The following PTGES3 variants were observed in gnomAD, a reference collection of about 807,000 sequenced individuals.
PTGES3 encodes Hsp90 co-chaperone.
A neutral mutation model predicts 29.9 loss-of-function variants in PTGES3; 5 were observed. That is an observed-to-expected ratio of 0.17 (90% CI 0.09 to 0.35). The LOEUF (loss-of-function observed/expected upper bound fraction) is 0.35. Among genes scored for constraint, PTGES3 ranks in the 10% least tolerant of loss-of-function variants. PTGES3 has a pLI of 1.00. For synonymous variants in PTGES3, 49 were observed against 57.8 expected, an observed-to-expected ratio of 0.85 and a Z score of 0.69; for missense variants, 128 against 190.0, an observed-to-expected ratio of 0.67 and a Z score of 1.92.
At chr12:56,664,711 C>G in intron 7 of PTGES3, 65 bp downstream of exon 7, 2 of 1,534,564 alleles carry the variant, frequency 1.3e-6, no homozygotes, top group Non-Finnish European at 1.8e-6. Context: ...GTTAACATCT[C>G]TATTTTGAGT....
At chr12:56,685,278 C>T (rs1383134148) in intron 1 of PTGES3, among the ~76,000 whole-genome samples, 2 of 152,076 alleles carry the variant, frequency 1.3e-5, no homozygotes, top group South Asian at 2.1e-4. Flanking sequence ...ATTTACTAAA[C>T]GGCATATATT....
At chr12:56,674,564 C>T (rs760210248) in intron 1 of PTGES3, among the ~76,000 whole-genome samples, 1 of 151,966 alleles carries the variant, frequency 6.6e-6, no homozygotes, top group Non-Finnish European at 1.5e-5. Context: ...CAGTGGCTCA[C>T]GCCCATAATC....
chr12:56,669,941 AT>A (rs1311050460), intron 5 of PTGES3, among the ~76,000 whole-genome samples: 1 of 150,150 alleles, frequency 6.7e-6, no homozygotes, highest in African/African-American at 2.5e-5. Context: ...TGACTTCAAA[AT>A]CCAAGTCAAC....
intron 1 of PTGES3, among the ~76,000 whole-genome samples, chr12:56,679,464 G>C (rs1378244596): frequency 6.8e-6 from 1 of 147,912 alleles, no homozygotes; most frequent in African/African-American, 2.5e-5. Flanking sequence ...GTTTATTGTT[G>C]TTTTGCTTTA....
rs893238567 is a variant in PTGES3 at position 56,667,648 on chromosome 12, T to G, written c.376-1382A>C. ...CCTAAGATAGTCAGACACACAAAAA[T>G]AGAGAGTAGAATGGTAGATGCCAGG... On this transcript the variant is annotated intron_variant, in intron 5 of 7. Transcript: ENST00000262033. Among the ~76,000 whole-genome samples, 6 of 152,124 alleles carry G rather than the reference T, an allele frequency of 3.9e-5. No individual in the cohort carries two copies. In the East Asian group the frequency reaches 9.6e-4, roughly 24 times the overall value.
At chr12:56,683,036 G>T (rs865824121) in intron 1 of PTGES3, among the ~76,000 whole-genome samples, 1 of 151,804 alleles carries the variant, frequency 6.6e-6, no homozygotes, top group African/African-American at 2.4e-5. Flanking sequence ...GAGGAAGCAG[G>T]GAAGCAGCCT....
At chr12:56,670,910 AGC>A (rs1429766821) in intron 4 of PTGES3, among the ~76,000 whole-genome samples, 2 of 152,192 alleles carry the variant, frequency 1.3e-5, no homozygotes, top group African/African-American at 4.8e-5. Flanking sequence ...AGTTCGAGAC[AGC>A]CTGAGCAATA....
intron 1 of PTGES3, among the ~76,000 whole-genome samples, chr12:56,675,864 A>C (rs1045858041): frequency 6.6e-6 from 1 of 151,834 alleles, no homozygotes; most frequent in Non-Finnish European, 1.5e-5. Context: ...TGGAGGTTGC[A>C]GTGAGCCCAG....
At chr12:56,675,392 G>A (rs1405770904) in intron 1 of PTGES3, among the ~76,000 whole-genome samples, 1 of 151,916 alleles carries the variant, frequency 6.6e-6, no homozygotes, top group Non-Finnish European at 1.5e-5. Flanking sequence ...CAAAACCTGT[G>A]GTTAGGCCAT....
In PTGES3 at chr12:56,688,216, G is replaced by T. The variant is rs1169488096; in HGVS notation, c.-217C>A. On this transcript the variant is annotated 5_prime_UTR_variant, in exon 1 of 8. Coordinates refer to ENST00000262033, the MANE Select transcript of PTGES3 (RefSeq NM_006601.7). ...GCGGCTCCTCCGGTCGGGGAGAAGA[G>T]GAAAGTGTAGGAAAAGGGGCGCGAG... 6.4e-6 allele frequency: 5 copies of T among 787,282 alleles called. No homozygotes were observed. The highest frequency in any genetic ancestry group is 7.7e-5 in the Admixed American group (2 of 25,956). The allele number at this position is 787,282 out of a possible 1,614,324, so 48.8% of individuals were successfully genotyped here. A position where few individuals can be genotyped will look rare whatever the true frequency, so the allele number is the denominator to read the frequency against.
At chr12:56,687,884 C>G in intron 1 of PTGES3, 114 bp downstream of exon 1, 1 of 1,580,774 alleles carries the variant, frequency 6.3e-7, no homozygotes, top group South Asian at 1.1e-5. Flanking sequence ...CGCCCCCAGG[C>G]AGGAACGACT....
intron 1 of PTGES3, among the ~76,000 whole-genome samples, chr12:56,675,855 G>A (rs1413916703): frequency 6.6e-6 from 1 of 152,064 alleles, no homozygotes; most frequent in Non-Finnish European, 1.5e-5. Context: ...ATAAGGAGGT[G>A]GAGGTTGCAG....
chr12:56,682,999 A>G (rs968092097), intron 1 of PTGES3, among the ~76,000 whole-genome samples: 2 of 151,688 alleles, frequency 1.3e-5, no homozygotes, highest in Non-Finnish European at 2.9e-5. Flanking sequence ...GCCTCAAGAA[A>G]AAAAAAAAAA....
At chr12:56,686,660 A>G (rs1474612797) in intron 1 of PTGES3, among the ~76,000 whole-genome samples, 1 of 152,054 alleles carries the variant, frequency 6.6e-6, no homozygotes, top group Non-Finnish European at 1.5e-5. Context: ...CACAGTTGTG[A>G]GCCACCGCGC....
In PTGES3 at chr12:56,672,769, T is replaced by C. The variant is rs1411178517; in HGVS notation, c.157A>G (p.Ile53Val). 1 of 1,590,700 alleles carries C rather than the reference T, an allele frequency of 6.3e-7. No individual in the cohort carries two copies. The highest frequency in any genetic ancestry group is 8.5e-7 in the Non-Finnish European group (1 of 1,169,952). The change falls in exon 3 of 8, where the codon ATT (isoleucine) becomes GTT (valine). Residue 53 changes from isoleucine (I) to valine (V), a missense_variant. Coordinates refer to ENST00000262033, the MANE Select transcript of PTGES3 (RefSeq NM_006601.7). ...GSDNFKHLNE[I>V]DLFHCIDPND... is the part of the protein sequence containing the mutation. ...GGATCAATACAGTGAAAAAGATCAA[T>C]TTCATTTAAATGCTTAAAATTATCA...
intron 1 of PTGES3, among the ~76,000 whole-genome samples, chr12:56,676,232 C>CAAA (rs60053201): frequency 0.055 from 7,069 of 129,246 alleles, 115 homozygotes; most frequent in African/African-American, 0.074. Flanking sequence ...TCTCCCCCCC[C>CAAA]AAAAAAAAAA....
At chr12:56,664,624 G>T in intron 7 of PTGES3, 126 bp from the exon 8 acceptor site, 1 of 1,371,656 alleles carries the variant, frequency 7.3e-7, no homozygotes. Context: ...AGGTTGTCTT[G>T]CTATCAAGTT....
rs998037649 is a variant in PTGES3 at position 56,675,524 on chromosome 12, A to C, written c.3-2459T>G. Among the ~76,000 whole-genome samples, 500 of 127,572 alleles carry C rather than the reference A, an allele frequency of 3.9e-3. 3 individuals are homozygous for C. Among genetic ancestry groups the C allele is most frequent in the African/African-American group, 0.019 (473 of 24,918 alleles). The allele number at this position is 127,572 out of a possible 152,430, so 83.7% of individuals were successfully genotyped here. On this transcript the variant is annotated intron_variant, in intron 1 of 7. Coordinates refer to ENST00000262033, the MANE Select transcript of PTGES3 (RefSeq NM_006601.7). ...AGCCTAGGCAACAGAATGAGACCAAAAAAAAAAAAAAAAAAAATGTGAATG... is the reference window on the plus strand; with the variant it reads ...AGCCTAGGCAACAGAATGAGACCAACAAAAAAAAAAAAAAAAATGTGAATG...
At chr12:56,678,491 T>C (rs1383465056) in intron 1 of PTGES3, among the ~76,000 whole-genome samples, 1 of 152,176 alleles carries the variant, frequency 6.6e-6, no homozygotes, top group African/African-American at 2.4e-5. Flanking sequence ...TTGTCTTTTA[T>C]AATAAAATGT....
Sources: allele counts gnomAD v4.1 joint callset (sites outside exome capture counted in the v4.1 genomes callset), GRCh38; gene constraint gnomAD v4.1.1; transcripts MANE v1.5; gene names NCBI Gene and HGNC (gene_info 2026-07-23, HGNC 2026-07-21).